Variants in BTBD9 observed in about 807,000 individuals in gnomAD.
BTBD9 encodes BTB domain containing 9.
In BTBD9, 49 loss-of-function variants were observed where a neutral mutation model predicts 64.3. The observed-to-expected ratio is 0.76, with a 90% CI of 0.61 to 0.97. The LOEUF (loss-of-function observed/expected upper bound fraction) is 0.97, where lower values mean the gene tolerates loss of function less well. BTBD9 is among the 50% of genes least tolerant of loss of function. The pLI is 0.00. For missense variants in BTBD9, 598 were observed against 762.1 expected (o/e 0.78, Z 2.53); for synonymous variants, 260 against 274.7 (o/e 0.95, Z 0.53).
At chr6:38,258,783 G>A (rs372580291) in intron 8 of BTBD9, among the ~76,000 whole-genome samples, 8 of 152,108 alleles carry the variant, frequency 5.3e-5, no homozygotes, top group South Asian at 2.1e-4. Context: ...CCAGCTACTC[G>A]GGAGGCTGAG....
chr6:38,494,148 A>G (rs1164230992), intron 6 of BTBD9, among the ~76,000 whole-genome samples: 1 of 152,224 alleles, frequency 6.6e-6, no homozygotes, highest in African/African-American at 2.4e-5. Context: ...CCAGTGGCCA[A>G]ATTTCAAAAT....
chr6:38,565,288 T>C (rs964890010), intron 6 of BTBD9, among the ~76,000 whole-genome samples: 2 of 152,206 alleles, frequency 1.3e-5, no homozygotes, highest in African/African-American at 2.4e-5. Flanking sequence ...TAATTCTTTG[T>C]TGTAGGGAGA....
intron 6 of BTBD9, among the ~76,000 whole-genome samples, chr6:38,465,635 C>T (rs1305333797): frequency 2.1e-5 from 3 of 141,502 alleles, no homozygotes; most frequent in Middle Eastern, 3.4e-3. Flanking sequence ...TGCAGTGAGC[C>T]GAGACCACGC....
Position 38,287,510 on chromosome 6 carries a change from C to T in BTBD9, c.1454+762G>A, listed in dbSNP as rs1761790697. 3.3e-5 allele frequency among the ~76,000 whole-genome samples: 5 copies of T among 152,152 alleles called. No individual in the cohort carries two copies. In the South Asian group the frequency reaches 1.0e-3, roughly 32 times the overall value. On this transcript the variant is annotated intron_variant, in intron 8 of 10. Coordinates refer to ENST00000481247, the MANE Select transcript of BTBD9 (RefSeq NM_001099272.2). ...TTCTATGTTTAGACATGTTCAGATA[C>T]ACAAATACTTACCACTGTGTTATAA... is the stretch of plus-strand genomic sequence containing the variant.
chr6:38,479,764 T>C (rs1035509271), intron 6 of BTBD9, among the ~76,000 whole-genome samples: 1 of 152,258 alleles, frequency 6.6e-6, no homozygotes, highest in Non-Finnish European at 1.5e-5. Context: ...GATCTGGCTC[T>C]GTCGCCCAGG....
chr6:38,486,399 T>C (rs1259410175), intron 6 of BTBD9, among the ~76,000 whole-genome samples: 1 of 152,266 alleles, frequency 6.6e-6, no homozygotes, highest in Non-Finnish European at 1.5e-5. Context: ...TCAACATGCC[T>C]TCTTCACTAA....
At chr6:38,243,502 T>C (rs1430392547) in intron 9 of BTBD9, among the ~76,000 whole-genome samples, 1 of 151,970 alleles carries the variant, frequency 6.6e-6, no homozygotes, top group Non-Finnish European at 1.5e-5. Context: ...GAAGCTACTA[T>C]AAATACTCCA....
intron 9 of BTBD9, among the ~76,000 whole-genome samples, chr6:38,241,795 A>G (rs1764001730): frequency 6.6e-6 from 1 of 152,238 alleles, no homozygotes; most frequent in Non-Finnish European, 1.5e-5. Flanking sequence ...ACAGAGGGAA[A>G]AAAACCACAC....
chr6:38,464,524 C>T (rs1288338445), intron 6 of BTBD9, among the ~76,000 whole-genome samples: 1 of 151,558 alleles, frequency 6.6e-6, no homozygotes, highest in Non-Finnish European at 1.5e-5. Flanking sequence ...GAGACAGAGT[C>T]TCACTCTGTT....
chr6:38,361,507 C>T (rs899595514), intron 6 of BTBD9, among the ~76,000 whole-genome samples: 4 of 151,802 alleles, frequency 2.6e-5, no homozygotes, highest in South Asian at 2.1e-4. Context: ...CATGCCACGG[C>T]GCTCCAGCCT....
intron 6 of BTBD9, among the ~76,000 whole-genome samples, chr6:38,573,345 G>C (rs1033515164): frequency 1.3e-5 from 2 of 152,060 alleles, no homozygotes; most frequent in Admixed American, 6.6e-5. Context: ...TTTATAATGA[G>C]AGATATTTCC....
chr6:38,405,676 C>T (rs1454646225), intron 6 of BTBD9, among the ~76,000 whole-genome samples: 2 of 151,648 alleles, frequency 1.3e-5, no homozygotes, highest in Non-Finnish European at 2.9e-5. Flanking sequence ...TTTGTGATGG[C>T]AAAACCTTCA....
At chr6:38,616,416 T>G (rs749954798) in intron 1 of BTBD9, among the ~76,000 whole-genome samples, 20 of 152,196 alleles carry the variant, frequency 1.3e-4, no homozygotes, top group Non-Finnish European at 2.4e-4. Context: ...AACGCCCTAC[T>G]ATTCTGAAAT....
intron 6 of BTBD9, among the ~76,000 whole-genome samples, chr6:38,495,817 G>A (rs1771932076): frequency 6.6e-6 from 1 of 152,136 alleles, no homozygotes; most frequent in South Asian, 2.1e-4. Context: ...CAGCCCCGTG[G>A]GGATGATGAC....
rs1226964540 is a variant in BTBD9, at chr6:38,171,882, ATAAT to A, written c.*3099_*3102del. ...AAAAAAAAAAAAAAAAAAAAAAAAA[ATAAT>A]AATAATAATAATAATAATAATAATG... On this transcript the variant is annotated 3_prime_UTR_variant, in exon 11 of 11. Coordinates refer to ENST00000481247, the MANE Select transcript of BTBD9 (RefSeq NM_001099272.2). 4.0e-5 allele frequency: 4 copies of A among 98,816 alleles called. No individual in the cohort carries two copies. Among genetic ancestry groups the A allele is most frequent in the Admixed American group, 1.2e-4 (1 of 8,300 alleles). The allele number at this position is 98,816 out of a possible 1,614,324, so 6.1% of individuals were successfully genotyped here. A position where few individuals can be genotyped will look rare whatever the true frequency, so the allele number is the denominator to read the frequency against.
At chr6:38,269,366 T>C (rs1378818578) in intron 8 of BTBD9, among the ~76,000 whole-genome samples, 2 of 152,226 alleles carry the variant, frequency 1.3e-5, no homozygotes, top group East Asian at 3.8e-4. Flanking sequence ...GTATTTTTTT[T>C]TTGTAGCAGC....
chr6:38,551,801 G>A (rs987376872), intron 6 of BTBD9, among the ~76,000 whole-genome samples: 1 of 152,202 alleles, frequency 6.6e-6, no homozygotes, highest in African/African-American at 2.4e-5. Flanking sequence ...TAGGATCACA[G>A]CAATGTGGAG....
chr6:38,545,456 C>T (rs573041261), intron 6 of BTBD9, among the ~76,000 whole-genome samples: 45 of 152,128 alleles, frequency 3.0e-4, no homozygotes, highest in African/African-American at 9.9e-4. Flanking sequence ...TGGGAATATA[C>T]TAAGAAACAC....
At chr6:38,487,099 C>T (rs1050014419) in intron 6 of BTBD9, among the ~76,000 whole-genome samples, 1 of 152,172 alleles carries the variant, frequency 6.6e-6, no homozygotes, top group Non-Finnish European at 1.5e-5. Flanking sequence ...TTTTCAGGAA[C>T]AGCACAAAGG....
Sources: allele counts gnomAD v4.1 joint callset (sites outside exome capture counted in the v4.1 genomes callset), GRCh38; gene constraint gnomAD v4.1.1; transcripts MANE v1.5; gene names NCBI Gene and HGNC (gene_info 2026-07-23, HGNC 2026-07-21).